ZNF264: variants seen among roughly 807,000 people sequenced by gnomAD.
ZNF264 encodes the protein zinc finger protein 264.
ZNF264 carries 11 observed loss-of-function variants against 11.2 expected under a neutral mutation model. The ratio of observed to expected loss-of-function variants is 0.98; its 90% CI spans 0.62 to 1.63. ZNF264 has a LOEUF of 1.63. Ranked by LOEUF, ZNF264 falls within the 40% of genes most tolerant of loss-of-function variation. ZNF264 has a pLI of 0.00. For missense variants in ZNF264, 752 were observed against 768.1 expected (o/e 0.98, Z 0.25); for synonymous variants, 309 against 279.8 (o/e 1.10, Z -1.04).
rs894395693 is a variant in ZNF264, at chr19:57,191,621, T to G, written c.-293T>G. 2 of 362,960 alleles carry G rather than the reference T, an allele frequency of 5.5e-6. No homozygotes were observed. Among genetic ancestry groups the G allele is most frequent in the Non-Finnish European group, 9.8e-6 (2 of 203,432 alleles). The allele number at this position is 362,960 out of a possible 1,614,324, so 22.5% of individuals were successfully genotyped here. ...TAGGATAGGAATCCCCGCCGCACCT[T>G]TGTACGAGCCTGACCCCTTCCGTGG... On this transcript the variant is annotated 5_prime_UTR_variant, in exon 1 of 4. Transcript: ENST00000263095.
intron 2 of ZNF264, among the ~76,000 whole-genome samples, chr19:57,203,039 A>G (rs923920402): frequency 6.6e-6 from 1 of 152,172 alleles, no homozygotes; most frequent in Non-Finnish European, 1.5e-5. Context: ...ATTTGGTCAT[A>G]GAAGTCTTGT....
chr19:57,215,499 T>C lies in ZNF264; in HGVS notation c.*2518T>C, dbSNP rs182152765. The C allele has an allele frequency of 6.6e-6, 1 of 152,342 alleles. No individual in the cohort carries two copies. Among genetic ancestry groups the C allele is most frequent in the East Asian group, 1.9e-4 (1 of 5,194 alleles). 9.4% of individuals were successfully genotyped at this position (152,342 alleles called of 1,614,324 possible). A position where few individuals can be genotyped will look rare whatever the true frequency, so the allele number is the denominator to read the frequency against. ...CTCTCACTTCAGAGAACTAGCACTTTATATTAATGATTTGTCTCTATTCTT... is the reference window on the plus strand; with the variant it reads ...CTCTCACTTCAGAGAACTAGCACTTCATATTAATGATTTGTCTCTATTCTT... On this transcript the variant is annotated 3_prime_UTR_variant, in exon 4 of 4. Transcript: ENST00000263095.
At chr19:57,210,408 T>C (rs558292065) in intron 3 of ZNF264, among the ~76,000 whole-genome samples, 77 of 152,348 alleles carry the variant, frequency 5.1e-4, no homozygotes, top group Non-Finnish European at 1.0e-3. Context: ...CAAAATTCTC[T>C]AAAACCTGTT....
rs1019225948 is a variant in ZNF264 at position 57,213,297 on chromosome 19, A to C, written c.*316A>C. On this transcript the variant is annotated 3_prime_UTR_variant, in exon 4 of 4. Coordinates refer to ENST00000263095, the MANE Select transcript of ZNF264 (RefSeq NM_003417.5). Reference sequence around the variant, plus strand: ...TATTTGGGGGAAGGGAAATGTTTCAAGGTAAAGAACCTTGACCCTTTATGT... The same window carrying C: ...TATTTGGGGGAAGGGAAATGTTTCACGGTAAAGAACCTTGACCCTTTATGT... The C allele has an allele frequency of 4.2e-6, 1 of 236,978 alleles. No individual in the cohort carries two copies. The highest frequency in any genetic ancestry group is 2.2e-5 in the African/African-American group (1 of 44,740). The allele number at this position is 236,978 out of a possible 1,614,324, so 14.7% of individuals were successfully genotyped here. A position where few individuals can be genotyped will look rare whatever the true frequency, so the allele number is the denominator to read the frequency against.
chr19:57,206,355 T>C (rs2087292388), intron 3 of ZNF264, among the ~76,000 whole-genome samples: 1 of 151,906 alleles, frequency 6.6e-6, no homozygotes, highest in Non-Finnish European at 1.5e-5. Flanking sequence ...GCCATTCTCC[T>C]GCCTCAGCCT....
chr19:57,196,720 G>A (rs2087214261), intron 2 of ZNF264, among the ~76,000 whole-genome samples: 1 of 151,850 alleles, frequency 6.6e-6, no homozygotes, highest in African/African-American at 2.4e-5. Flanking sequence ...GTCTTCCATT[G>A]GTGAGCACTC....
intron 3 of ZNF264, among the ~76,000 whole-genome samples, chr19:57,211,013 TAGCAACACAG>T (rs1235683523): frequency 6.6e-6 from 1 of 152,234 alleles, no homozygotes; most frequent in African/African-American, 2.4e-5. Flanking sequence ...CGTGTTCTTG[TAGCAACACAG>T]CATGTCCTTG....
At position 57,202,910 on chromosome 19, in the gene ZNF264, G is replaced by T. The variant is rs985779064; in HGVS notation, c.161-2487G>T. Among the ~76,000 whole-genome samples the T allele has an allele frequency of 2.0e-5, 3 of 149,408 alleles. No individual in the cohort carries two copies. In the East Asian group the frequency reaches 5.8e-4, roughly 29 times the overall value. ...GAGTGCAGGGTGGGGCAGTCTTGTG[G>T]ACTCAGCCCTCAACCTGTGGGATCC... On this transcript the variant is annotated intron_variant, in intron 2 of 3. Transcript: ENST00000263095.
At chr19:57,198,045 A>G (rs1170116743) in intron 2 of ZNF264, among the ~76,000 whole-genome samples, 1 of 152,030 alleles carries the variant, frequency 6.6e-6, no homozygotes. Context: ...CGGAGAGTTG[A>G]TAGGCCCCTA....
At chr19:57,198,394 T>G (rs1031101685) in intron 2 of ZNF264, among the ~76,000 whole-genome samples, 3 of 151,884 alleles carry the variant, frequency 2.0e-5, no homozygotes, top group African/African-American at 7.3e-5. Flanking sequence ...ATCTCCACAG[T>G]CCCTCCAGGG....
intron 2 of ZNF264, among the ~76,000 whole-genome samples, chr19:57,204,403 C>T (rs2087276442): frequency 6.6e-6 from 1 of 152,050 alleles, no homozygotes; most frequent in Non-Finnish European, 1.5e-5. Flanking sequence ...TGTAATAATC[C>T]CCATGTGTCG....
Position 57,212,457 on chromosome 19 carries a change from C to G in ZNF264, c.1360C>G (p.Pro454Ala), listed in dbSNP as rs114004086. 7 of 1,614,116 alleles carry G rather than the reference C, an allele frequency of 4.3e-6. No homozygotes were observed. Among genetic ancestry groups the G allele is most frequent in the African/African-American group, 1.3e-5 (1 of 75,010 alleles). ...LHKRAHTGEK[P>A]FECKECGKAF... is the part of the protein sequence containing the mutation. ...TAAAAGGGCCCACACTGGAGAAAAG[C>G]CTTTCGAGTGCAAAGAGTGTGGGAA... is the stretch of plus-strand genomic sequence containing the variant. Residue 454 changes from proline to alanine, a missense_variant, in exon 4 of 4, where the codon CCT becomes GCT. Pro to Ala is a conservative substitution (Grantham distance 27). Transcript: ENST00000263095.
Position 57,217,777 on chromosome 19 carries a change from T to G in ZNF264, c.*4796T>G, listed in dbSNP as rs949765568. Reference sequence around the variant, plus strand: ...ACAAAACGTCATGAGAAACATTGTCTCTTGACCTTTTTTTTTTTTTTTTTT... The same window carrying G: ...ACAAAACGTCATGAGAAACATTGTCGCTTGACCTTTTTTTTTTTTTTTTTT... On this transcript the variant is annotated 3_prime_UTR_variant, in exon 4 of 4. Coordinates refer to ENST00000263095, the MANE Select transcript of ZNF264 (RefSeq NM_003417.5). 13 of 141,286 alleles carry G rather than the reference T, an allele frequency of 9.2e-5. No individual in the cohort carries two copies. Among genetic ancestry groups the G allele is most frequent in the African/African-American group, 3.5e-4 (13 of 36,868 alleles). 8.8% of individuals were successfully genotyped at this position (141,286 alleles called of 1,614,324 possible). A position where few individuals can be genotyped will look rare whatever the true frequency, so the allele number is the denominator to read the frequency against.
At position 57,211,611 on chromosome 19, in the gene ZNF264, G is replaced by A. The variant is rs1483655541; in HGVS notation, c.514G>A (p.Gly172Arg). Reference sequence around the variant, plus strand: ...AGCTGATGGTGTGTGTTCAAGGATTGGACAGGAGCAAGTCTCTCCAGGAGA... The same window carrying A: ...AGCTGATGGTGTGTGTTCAAGGATTAGACAGGAGCAAGTCTCTCCAGGAGA... ...GTADGVCSRIGQEQVSPGDRV... is the reference protein window; with the variant it reads ...GTADGVCSRIRQEQVSPGDRV... Residue 172 changes from glycine to arginine, a missense_variant, in exon 4 of 4, where the codon GGA becomes AGA. Gly to Arg is a moderately radical substitution (Grantham distance 125, BLOSUM62 -2). Transcript: ENST00000263095. 6.2e-7 allele frequency: 1 copy of A among 1,614,000 alleles called. No individual in the cohort carries two copies. The highest frequency in any genetic ancestry group is 1.1e-5 in the South Asian group (1 of 91,080).
rs187769886 is a variant in ZNF264 at position 57,202,762 on chromosome 19, A to G, written c.161-2635A>G. Among the ~76,000 whole-genome samples, 139 of 151,936 alleles carry G rather than the reference A, an allele frequency of 9.1e-4. 3 individuals are homozygous for G. The highest frequency in any genetic ancestry group is 2.9e-3 in the African/African-American group (118 of 41,228). Reference sequence around the variant, plus strand: ...TATTCTTTATAATACACTGGTAAACATGAGTGTTTCCTTGAGTTCCGTGAG... The same window carrying G: ...TATTCTTTATAATACACTGGTAAACGTGAGTGTTTCCTTGAGTTCCGTGAG... On this transcript the variant is annotated intron_variant, in intron 2 of 3. Transcript: ENST00000263095.
chr19:57,212,582 G>C lies in ZNF264; in HGVS notation c.1485G>C (p.Met495Ile), dbSNP rs983483590. ...CVECGKAFTR[M>I]SGLTRHKRIH... ...AGTGTGGAAAGGCCTTCACCCGCAT[G>C]TCGGGCCTCACGAGGCACAAGCGGA... Residue 495 changes from methionine (M) to isoleucine (I), a missense_variant, in exon 4 of 4, where the codon ATG becomes ATC. Coordinates refer to ENST00000263095, the MANE Select transcript of ZNF264 (RefSeq NM_003417.5). The C allele has an allele frequency of 1.2e-6, 2 of 1,614,040 alleles. No individual in the cohort carries two copies. The highest frequency in any genetic ancestry group is 8.5e-7 in the Non-Finnish European group (1 of 1,180,006).
At chr19:57,194,477 A>G (rs1363773476) in intron 2 of ZNF264, among the ~76,000 whole-genome samples, 1 of 152,204 alleles carries the variant, frequency 6.6e-6, no homozygotes, top group Non-Finnish European at 1.5e-5. Context: ...ATTAAGTAGT[A>G]ATAACTCATG....
chr19:57,212,468 C>T lies in ZNF264; in HGVS notation c.1371C>T (p.Cys457=), dbSNP rs1209503972. The change falls in exon 4 of 4, where the codon TGC becomes TGT. Residue 457 remains cysteine, a synonymous_variant. Transcript: ENST00000263095. ...ACACTGGAGAAAAGCCTTTCGAGTG[C>T]AAAGAGTGTGGGAAAGCCTTTAGCA... ...RAHTGEKPFE[C]KECGKAFSNR... 4.3e-6 allele frequency: 7 copies of T among 1,613,778 alleles called. No individual in the cohort carries two copies. Among genetic ancestry groups the T allele is most frequent in the Non-Finnish European group, 5.9e-6 (7 of 1,180,008 alleles).
Position 57,212,400 on chromosome 19 carries a change from G to C in ZNF264, c.1303G>C (p.Ala435Pro). ...CTTCGTGTGCAGTGAATGTGGAAAGGCCTTCACCCACTGCTCTACTTTTAT... is the reference window on the plus strand; with the variant it reads ...CTTCGTGTGCAGTGAATGTGGAAAGCCCTTCACCCACTGCTCTACTTTTAT... ...KPFVCSECGK[A>P]FTHCSTFILH... The change falls in exon 4 of 4, where the codon GCC becomes CCC. Residue 435 changes from alanine (A) to proline (P), a missense_variant. Physicochemically the swap from Ala to Pro is conservative, Grantham distance 27. Coordinates refer to ENST00000263095, the MANE Select transcript of ZNF264 (RefSeq NM_003417.5). 10 of 1,614,186 alleles carry C rather than the reference G, an allele frequency of 6.2e-6. No homozygotes were observed. In the South Asian group the frequency reaches 9.9e-5, roughly 16 times the overall value.
Sources: gnomAD v4.1 joint callset for allele counts (sites outside exome capture counted in the v4.1 genomes callset) on GRCh38, gnomAD v4.1.1 for gene constraint, MANE v1.5 for transcripts, NCBI Gene and HGNC (gene_info 2026-07-23, HGNC 2026-07-21) for gene names.